The following RAB2B variants were observed in gnomAD, a reference collection of about 807,000 sequenced individuals.
RAB2B encodes the protein ras-related protein Rab-2B.
RAB2B carries 20 observed loss-of-function variants against 29.8 expected under a neutral mutation model. The ratio of observed to expected loss-of-function variants is 0.67; its 90% CI spans 0.47 to 0.97. The LOEUF (loss-of-function observed/expected upper bound fraction) is 0.97, where lower values mean the gene tolerates loss of function less well. RAB2B is among the 50% of genes least tolerant of loss of function. The probability of loss-of-function intolerance (pLI) is 0.00; values close to 1 mark genes in which losing one functional copy is unlikely to be tolerated. For synonymous variants in RAB2B, 93 were observed against 91.7 expected, an observed-to-expected ratio of 1.01 and a Z score of -0.08; for missense variants, 218 against 272.0, an observed-to-expected ratio of 0.80 and a Z score of 1.40.
chr14:21,476,423 A>AG lies in RAB2B; in HGVS notation c.118+104dup, dbSNP rs1890967678. 5 of 1,270,228 alleles carry AG rather than the reference A, an allele frequency of 3.9e-6. No homozygotes were observed. The Admixed American group carries it at 9.0e-5, about 23-fold the overall frequency. The allele number at this position is 1,270,228 out of a possible 1,614,324, so 78.7% of individuals were successfully genotyped here. A position where few individuals can be genotyped will look rare whatever the true frequency, so the allele number is the denominator to read the frequency against. The stretch of plus-strand genomic sequence containing the variant: ...AAGTTTGGACTAGTTTAAAGTAGTG[A>AG]GGGGTAACTTTTTACTTCGAACACT... On this transcript the variant is annotated intron_variant, in intron 2 of 7. Coordinates refer to ENST00000397762, the MANE Select transcript of RAB2B (RefSeq NM_032846.4).
At position 21,475,427 on chromosome 14, in the gene RAB2B, A is replaced by G. The variant is rs572504973; in HGVS notation, c.119-493T>C. Among the ~76,000 whole-genome samples the G allele has an allele frequency of 1.4e-4, 18 of 129,978 alleles. No homozygotes were observed. In the East Asian group the frequency reaches 4.1e-3, roughly 30 times the overall value. 85.3% of individuals were successfully genotyped at this position (129,978 alleles called of 152,430 possible). On this transcript the variant is annotated intron_variant, in intron 2 of 7. Coordinates refer to ENST00000397762, the MANE Select transcript of RAB2B (RefSeq NM_032846.4). ...CCTAAGAAATAGGTTCTCAGAAACAATACTTTTTTTTTTTTTTTTTTGAGA... is the reference window on the plus strand; with the variant it reads ...CCTAAGAAATAGGTTCTCAGAAACAGTACTTTTTTTTTTTTTTTTTTGAGA...
intron 2 of RAB2B, among the ~76,000 whole-genome samples, chr14:21,475,622 T>C (rs1306644996): frequency 6.6e-6 from 1 of 152,152 alleles, no homozygotes; most frequent in East Asian, 1.9e-4. Context: ...ATTTTACATT[T>C]CCAATAATTG....
intron 2 of RAB2B, 87 bp downstream of exon 2, chr14:21,476,441 C>G (rs1333216474): frequency 6.6e-7 from 1 of 1,514,872 alleles, no homozygotes; most frequent in African/African-American, 1.4e-5. Flanking sequence ...CTTTTTACTT[C>G]GAACACTGAA....
chr14:21,466,692 C>G (rs552554728), intron 5 of RAB2B, among the ~76,000 whole-genome samples: 1 of 152,266 alleles, frequency 6.6e-6, no homozygotes, highest in African/African-American at 2.4e-5. Flanking sequence ...ATGTCAATAT[C>G]AGACCATGAT....
In RAB2B at chr14:21,460,089, G is replaced by A. The variant is rs1350912726; in HGVS notation, c.*1107C>T. 5.9e-6 allele frequency: 3 copies of A among 511,924 alleles called. No homozygotes were observed. Among genetic ancestry groups the A allele is most frequent in the Non-Finnish European group, 1.2e-5 (3 of 256,672 alleles). The allele number at this position is 511,924 out of a possible 1,614,324, so 31.7% of individuals were successfully genotyped here. A position where few individuals can be genotyped will look rare whatever the true frequency, so the allele number is the denominator to read the frequency against. On this transcript the variant is annotated 3_prime_UTR_variant, in exon 8 of 8. Transcript: ENST00000397762. Reference sequence around the variant, plus strand: ...GTAGAGAAGTACTCAGTGCTCTTGGGCAAGTAGAGGAAACTGCCTTCTACA... The same window carrying A: ...GTAGAGAAGTACTCAGTGCTCTTGGACAAGTAGAGGAAACTGCCTTCTACA...
chr14:21,476,655 A>C (rs367905957), intron 1 of RAB2B, 56 bp from the exon 2 acceptor site: 188 of 1,613,422 alleles, frequency 1.2e-4, no homozygotes, highest in Non-Finnish European at 1.4e-4. Context: ...CTTCCAGAGT[A>C]TGGACTTCCC....
chr14:21,473,419 C>T (rs1000075727), intron 3 of RAB2B, among the ~76,000 whole-genome samples: 2 of 152,188 alleles, frequency 1.3e-5, no homozygotes, highest in African/African-American at 4.8e-5. Context: ...AGATAATGCA[C>T]ATGAAAGCAA....
intron 5 of RAB2B, among the ~76,000 whole-genome samples, chr14:21,465,310 G>A (rs191541948): frequency 2.0e-5 from 3 of 152,240 alleles, no homozygotes; most frequent in Non-Finnish European, 2.9e-5. Flanking sequence ...TACATAAAAC[G>A]GACTTCAAAC....
intron 1 of RAB2B, 68 bp from the exon 2 acceptor site, chr14:21,476,667 G>A (rs779082115): frequency 5.0e-6 from 8 of 1,613,162 alleles, no homozygotes; most frequent in South Asian, 1.1e-5. Context: ...GGACTTCCCG[G>A]ACCAGAGAAG....
At chr14:21,462,814 GGT>G (rs1890593278) in intron 6 of RAB2B, among the ~76,000 whole-genome samples, 1 of 148,536 alleles carries the variant, frequency 6.7e-6, no homozygotes. Context: ...CTCCAGCCTG[GGT>G]GACAGAACGA....
intron 3 of RAB2B, chr14:21,474,430 A>G (rs897571414): frequency 4.2e-5 from 4 of 95,280 alleles, no homozygotes; most frequent in African/African-American, 1.4e-4. Flanking sequence ...GATTCTATAC[A>G]TGTAAACACT....
intron 6 of RAB2B, among the ~76,000 whole-genome samples, chr14:21,462,717 G>A (rs1219368642): frequency 6.6e-6 from 1 of 151,670 alleles, no homozygotes; most frequent in East Asian, 1.9e-4. Context: ...GCGCATGCCT[G>A]TAATTCCAGT....
intron 6 of RAB2B, 131 bp from the exon 7 acceptor site, chr14:21,462,549 T>A (rs975083271): frequency 1.1e-6 from 1 of 899,758 alleles, no homozygotes; most frequent in Admixed American, 3.1e-5. Context: ...GTAAAAAACA[T>A]AGAAGGTCGG....
At chr14:21,461,684 A>C (rs1354684576) in intron 7 of RAB2B, among the ~76,000 whole-genome samples, 1 of 152,120 alleles carries the variant, frequency 6.6e-6, no homozygotes, top group African/African-American at 2.4e-5. Flanking sequence ...TCTGGCCTCA[A>C]GTGATCCTGC....
At position 21,461,281 on chromosome 14, in the gene RAB2B, G is replaced by A. The variant is rs1756123141; in HGVS notation, c.566C>T (p.Pro189Leu). 2 of 1,613,358 alleles carry A rather than the reference G, an allele frequency of 1.2e-6. No homozygotes were observed. The highest frequency in any genetic ancestry group is 1.1e-5 in the South Asian group (1 of 90,988). The change falls in exon 8 of 8, where the codon CCC becomes CTC. Residue 189 changes from proline (P) to leucine (L), a missense_variant. Coordinates refer to ENST00000397762, the MANE Select transcript of RAB2B (RefSeq NM_032846.4). ...CACTGATGTTGAAATTGACTGTTGG[G>A]GCCCAATCTTGATGCCATTTGCCTG... ...HNEANGIKIG[P>L]QQSISTSVGP...
At chr14:21,463,507 A>C in intron 6 of RAB2B, 149 bp downstream of exon 6, 1 of 608,890 alleles carries the variant, frequency 1.6e-6, no homozygotes. Flanking sequence ...TTGGCCTCCC[A>C]AAACGCTAGG....
In RAB2B at chr14:21,476,931, C is replaced by G; in HGVS notation, c.-59G>C. The G allele has an allele frequency of 6.4e-7, 1 of 1,565,370 alleles. No homozygotes were observed. The highest frequency in any genetic ancestry group is 1.1e-5 in the South Asian group (1 of 90,086). ...ACTTCTATAGCCACTTACCTCCGAC[C>G]TCTCTAGCCACTCAATCTACCGATC... On this transcript the variant is annotated 5_prime_UTR_variant, in exon 1 of 8. Transcript: ENST00000397762.
At chr14:21,471,176 TAAA>T (rs11300913) in intron 3 of RAB2B, among the ~76,000 whole-genome samples, 13 of 143,862 alleles carry the variant, frequency 9.0e-5, no homozygotes, top group Non-Finnish European at 1.5e-4. Context: ...CTGTCTAAAT[TAAA>T]AAAAAAAAAA....
intron 3 of RAB2B, among the ~76,000 whole-genome samples, chr14:21,472,079 G>A (rs1186009753): frequency 1.3e-5 from 2 of 152,202 alleles, no homozygotes; most frequent in South Asian, 2.1e-4. Flanking sequence ...CTCCTAGAAA[G>A]TCAGATACAC....
Sources: gnomAD v4.1 joint callset for allele counts (sites outside exome capture counted in the v4.1 genomes callset) on GRCh38, gnomAD v4.1.1 for gene constraint, MANE v1.5 for transcripts, NCBI Gene and HGNC (gene_info 2026-07-23, HGNC 2026-07-21) for gene names.